CADPS: variants seen among roughly 807,000 people sequenced by gnomAD.
CADPS encodes the protein calcium dependent secretion activator, also known as calcium-dependent secretion activator 1.
CADPS carries 57 observed loss-of-function variants against 167.3 expected under a neutral mutation model. The ratio of observed to expected loss-of-function variants is 0.34; its 90% CI spans 0.28 to 0.42. The LOEUF is 0.42. Ranked by LOEUF, CADPS falls within the 20% of genes least tolerant of loss-of-function variation. The pLI is 1.00. For missense variants in CADPS, 1,414 were observed against 1,738.1 expected, an observed-to-expected ratio of 0.81 and a Z score of 3.32; for synonymous variants, 676 against 635.3, an observed-to-expected ratio of 1.06 and a Z score of -0.96.
intron 3 of CADPS, among the ~76,000 whole-genome samples, chr3:62,673,057 C>G (rs1177065552): frequency 1.3e-5 from 2 of 151,574 alleles, no homozygotes; most frequent in Non-Finnish European, 3.0e-5. Flanking sequence ...TTTTATCACT[C>G]CCATCACATT....
chr3:62,585,886 A>G (rs2084499177), intron 7 of CADPS, among the ~76,000 whole-genome samples: 2 of 152,362 alleles, frequency 1.3e-5, no homozygotes, highest in South Asian at 4.1e-4. Context: ...ATCTTATCAC[A>G]CAACATCCAA....
At chr3:62,593,975 A>G (rs2086662423) in intron 6 of CADPS, among the ~76,000 whole-genome samples, 1 of 152,194 alleles carries the variant, frequency 6.6e-6, no homozygotes, top group African/African-American at 2.4e-5. Context: ...AAGGAACTTA[A>G]CAAATATTTG....
intron 10 of CADPS, among the ~76,000 whole-genome samples, chr3:62,556,673 A>G (rs975896073): frequency 2.0e-5 from 3 of 151,550 alleles, no homozygotes; most frequent in African/African-American, 7.3e-5. Flanking sequence ...GCTGATTTCT[A>G]TTCATTTTTT....
At chr3:62,479,351 G>A (rs1393360970) in intron 22 of CADPS, among the ~76,000 whole-genome samples, 1 of 152,124 alleles carries the variant, frequency 6.6e-6, no homozygotes, top group Non-Finnish European at 1.5e-5. Context: ...GAGCTCTGAG[G>A]GGTGTCCTCC....
chr3:62,555,909 T>C (rs991956503), intron 10 of CADPS, among the ~76,000 whole-genome samples: 17 of 152,018 alleles, frequency 1.1e-4, no homozygotes, highest in Admixed American at 9.2e-4. Flanking sequence ...TGTGCCTCCA[T>C]GCCCTGGTTA....
intron 3 of CADPS, among the ~76,000 whole-genome samples, chr3:62,708,880 G>T (rs1216247555): frequency 6.6e-6 from 1 of 151,946 alleles, no homozygotes; most frequent in Non-Finnish European, 1.5e-5. Flanking sequence ...CTTGGGACTG[G>T]AAGTCAAGCA....
chr3:62,445,712 G>GAAAAA, intron 27 of CADPS, 53 bp downstream of exon 27: 31 of 875,904 alleles, frequency 3.5e-5, no homozygotes, highest in Admixed American at 7.7e-5. Context: ...AAGTAAAAAT[G>GAAAAA]AAAAAAAAAA....
intron 16 of CADPS, among the ~76,000 whole-genome samples, chr3:62,515,446 G>A (rs939582115): frequency 1.3e-5 from 2 of 152,126 alleles, no homozygotes; most frequent in Non-Finnish European, 2.9e-5. Flanking sequence ...TGGGTCATCA[G>A]TGACCACTTC....
chr3:62,445,760 C>T lies in CADPS; in HGVS notation c.3669+5G>A. 7.4e-7 allele frequency: 1 copy of T among 1,346,318 alleles called. No individual in the cohort carries two copies. Among genetic ancestry groups the T allele is most frequent in the African/African-American group, 1.5e-5 (1 of 65,096 alleles). 83.4% of individuals were successfully genotyped at this position (1,346,318 alleles called of 1,614,324 possible). ...CCCCATGAGAAACAATTTTCAAATA[C>T]TCACAGGTACATCCACATATTTGGA... On this transcript the variant is annotated splice_donor_5th_base_variant and intron_variant, in intron 27 of 29. Coordinates refer to ENST00000383710, the MANE Select transcript of CADPS (RefSeq NM_003716.4).
At position 62,720,485 on chromosome 3, in the gene CADPS, A is replaced by G. The variant is rs1229714639; in HGVS notation, c.888+32956T>C. 2.0e-5 allele frequency among the ~76,000 whole-genome samples: 3 copies of G among 152,102 alleles called. No homozygotes were observed. The East Asian group carries it at 5.8e-4, about 29-fold the overall frequency. Reference sequence around the variant, plus strand: ...TAGCTAGGACTACAGACATGCATGTACCACACTCAGCTAATTTTTAGAAAA... The same window carrying G: ...TAGCTAGGACTACAGACATGCATGTGCCACACTCAGCTAATTTTTAGAAAA... On this transcript the variant is annotated intron_variant, in intron 3 of 29. Coordinates refer to ENST00000383710, the MANE Select transcript of CADPS (RefSeq NM_003716.4).
In CADPS at chr3:62,548,433, C is replaced by T. The variant is rs371204989; in HGVS notation, c.1966+1470G>A. Among the ~76,000 whole-genome samples the T allele has an allele frequency of 3.3e-5, 5 of 152,276 alleles. No homozygotes were observed. The East Asian group carries it at 7.7e-4, about 24-fold the overall frequency. On this transcript the variant is annotated intron_variant, in intron 11 of 29. Coordinates refer to ENST00000383710, the MANE Select transcript of CADPS (RefSeq NM_003716.4). ...CTCACAGCCATTATATGATTATTTA[C>T]ACTGTTCCACAAGGGCATGCATCAC...
At chr3:62,760,312 C>G (rs531044307) in intron 2 of CADPS, among the ~76,000 whole-genome samples, 1 of 152,276 alleles carries the variant, frequency 6.6e-6, no homozygotes, top group African/African-American at 2.4e-5. Context: ...AAAGATGAAG[C>G]AACTAAGGCT....
chr3:62,753,327 G>A lies in CADPS; in HGVS notation c.888+114C>T. ...CTGTATTCAACTTTTTACCAGTAGA[G>A]TAATAAAATATAAGTTTTAATCCTT... On this transcript the variant is annotated intron_variant, in intron 3 of 29. Transcript: ENST00000383710. The surrounding 1 kb of genome is among the most constrained non-coding windows in gnomAD (Gnocchi z 4.6). 2.7e-6 allele frequency: 2 copies of A among 737,904 alleles called. No individual in the cohort carries two copies. Among genetic ancestry groups the A allele is most frequent in the Non-Finnish European group, 4.4e-6 (2 of 456,612 alleles). 45.7% of individuals were successfully genotyped at this position (737,904 alleles called of 1,614,324 possible). A position where few individuals can be genotyped will look rare whatever the true frequency, so the allele number is the denominator to read the frequency against.
chr3:62,761,854 T>G (rs888119562), intron 2 of CADPS, among the ~76,000 whole-genome samples: 2 of 152,146 alleles, frequency 1.3e-5, no homozygotes, highest in Non-Finnish European at 2.9e-5. Context: ...AGAGCACCCA[T>G]CCCAGCCCCC....
intron 2 of CADPS, among the ~76,000 whole-genome samples, chr3:62,761,566 A>G (rs1450476335): frequency 6.6e-6 from 1 of 151,976 alleles, no homozygotes; most frequent in Non-Finnish European, 1.5e-5. Flanking sequence ...GTTCACTTCC[A>G]GGAAGAATTT....
rs767500598 is a variant in CADPS, at chr3:62,565,503, G to A, written c.1644+5369C>T. Reference sequence around the variant, plus strand: ...CTCCTGGGGTGCCTTTTATAAGTACGGAATACTGGGCCCCACCCCAGACTT... The same window carrying A: ...CTCCTGGGGTGCCTTTTATAAGTACAGAATACTGGGCCCCACCCCAGACTT... On this transcript the variant is annotated intron_variant, in intron 9 of 29. Coordinates refer to ENST00000383710, the MANE Select transcript of CADPS (RefSeq NM_003716.4). 3.9e-5 allele frequency among the ~76,000 whole-genome samples: 6 copies of A among 152,072 alleles called. No homozygotes were observed. The South Asian group carries it at 8.3e-4, about 21-fold the overall frequency.
chr3:62,805,673 G>A (rs575634390), intron 1 of CADPS, among the ~76,000 whole-genome samples: 1 of 152,208 alleles, frequency 6.6e-6, no homozygotes, highest in East Asian at 1.9e-4. Context: ...TACTTCCCTA[G>A]ATCCATTCTC....
intron 6 of CADPS, among the ~76,000 whole-genome samples, chr3:62,640,939 A>T (rs1458094843): frequency 6.7e-6 from 1 of 149,986 alleles, no homozygotes; most frequent in Non-Finnish European, 1.5e-5. Flanking sequence ...TCTTTACATC[A>T]TTTTTTTTTC....
chr3:62,694,904 T>C (rs78002980), intron 3 of CADPS, among the ~76,000 whole-genome samples: 3,132 of 152,158 alleles, frequency 0.021, 37 homozygotes, highest in Non-Finnish European at 0.032. Context: ...GATAATTATA[T>C]GGTGCTGTTT....
Sources: gnomAD v4.1 joint callset for allele counts (sites outside exome capture counted in the v4.1 genomes callset) on GRCh38, gnomAD v4.1.1 for gene constraint, Gnocchi (gnomAD v3.1) non-coding constraint, MANE v1.5 for transcripts, NCBI Gene and HGNC (gene_info 2026-07-23, HGNC 2026-07-21) for gene names.